SMYD3: variants seen among roughly 807,000 people sequenced by gnomAD.
SMYD3 encodes histone-lysine N-methyltransferase SMYD3.
SMYD3 carries 36 observed loss-of-function variants against 57.7 expected under a neutral mutation model. The observed-to-expected ratio is 0.62, with a 90% CI of 0.48 to 0.82. The LOEUF is 0.82. Among genes scored for constraint, SMYD3 ranks in the 40% least tolerant of loss-of-function variants. The pLI is 0.00. For missense variants in SMYD3, 515 were observed against 538.8 expected (o/e 0.96, Z 0.44); for synonymous variants, 211 against 195.0 (o/e 1.08, Z -0.68).
chr1:246,094,052 A>T (rs1319567669), intron 5 of SMYD3, among the ~76,000 whole-genome samples: 1 of 152,120 alleles, frequency 6.6e-6, no homozygotes, highest in Non-Finnish European at 1.5e-5. Flanking sequence ...GCCATAAGGG[A>T]GGTGGGGCCG....
intron 5 of SMYD3, chr1:246,326,909 A>C: frequency 4.8e-6 from 2 of 420,232 alleles, no homozygotes; most frequent in Non-Finnish European, 8.4e-6. Flanking sequence ...GGGATATGCT[A>C]TTTTCTTCTG....
intron 5 of SMYD3, among the ~76,000 whole-genome samples, chr1:246,138,477 G>C (rs1222072256): frequency 2.2e-5 from 3 of 138,472 alleles, no homozygotes; most frequent in Admixed American, 1.5e-4. Context: ...CCAGGCTGGA[G>C]TGCAGTGGCG....
intron 1 of SMYD3, among the ~76,000 whole-genome samples, chr1:246,395,870 A>C (rs976683095): frequency 6.6e-6 from 1 of 152,132 alleles, no homozygotes; most frequent in African/African-American, 2.4e-5. Context: ...CGCTGCCTCT[A>C]TGCTCTGCCA....
chr1:245,878,566 C>T (rs2052611933), intron 8 of SMYD3, among the ~76,000 whole-genome samples: 1 of 152,164 alleles, frequency 6.6e-6, no homozygotes, highest in Non-Finnish European at 1.5e-5. Context: ...ACTCTTTTTC[C>T]CTATCTACTG....
intron 5 of SMYD3, among the ~76,000 whole-genome samples, chr1:246,146,561 C>A (rs1009712425): frequency 5.9e-5 from 9 of 152,130 alleles, no homozygotes; most frequent in African/African-American, 2.2e-4. Context: ...GGTATGCAGA[C>A]CCGGTGCAGG....
intron 10 of SMYD3, among the ~76,000 whole-genome samples, chr1:245,843,841 A>G (rs1049624588): frequency 3.3e-5 from 5 of 152,170 alleles, no homozygotes; most frequent in Admixed American, 6.5e-5. Flanking sequence ...GAAGTTTTGG[A>G]GGATTTTGAA....
intron 5 of SMYD3, among the ~76,000 whole-genome samples, chr1:246,276,610 C>G (rs1452617139): frequency 2.5e-4 from 36 of 146,634 alleles, no homozygotes; most frequent in Non-Finnish European, 4.9e-4. Flanking sequence ...TTTTTCACTA[C>G]CCGTATTAAC....
intron 1 of SMYD3, among the ~76,000 whole-genome samples, chr1:246,394,473 G>A (rs969938963): frequency 3.3e-5 from 5 of 152,356 alleles, no homozygotes; most frequent in East Asian, 1.9e-4. Flanking sequence ...GGCAGAGGCC[G>A]AACCTTAATC....
At chr1:245,804,541 A>G (rs1370233495) in intron 10 of SMYD3, among the ~76,000 whole-genome samples, 1 of 152,152 alleles carries the variant, frequency 6.6e-6, no homozygotes, top group East Asian at 1.9e-4. Context: ...CTGGGTGACA[A>G]AGCGAGACTC....
intron 10 of SMYD3, among the ~76,000 whole-genome samples, chr1:245,858,171 G>A (rs1033359210): frequency 2.0e-5 from 3 of 152,118 alleles, no homozygotes; most frequent in Non-Finnish European, 4.4e-5. Context: ...TTCCTCTACA[G>A]CTCCCCCACC....
chr1:246,401,276 C>T (rs182947439), intron 1 of SMYD3, among the ~76,000 whole-genome samples: 1 of 152,236 alleles, frequency 6.6e-6, no homozygotes, highest in African/African-American at 2.4e-5. Flanking sequence ...GCAGGAGTAT[C>T]TCTTGAGCCC....
chr1:246,321,727 A>G (rs2065252248), intron 5 of SMYD3: 1 of 152,112 alleles, frequency 6.6e-6, no homozygotes, highest in South Asian at 2.1e-4. Context: ...CAATCAGTAC[A>G]CCGAATCACA....
rs573886213 is a variant in SMYD3 at position 246,374,957 on chromosome 1, G to C, written c.165-19863C>G. 1.5e-4 allele frequency among the ~76,000 whole-genome samples: 23 copies of C among 152,298 alleles called. No individual in the cohort carries two copies. In the South Asian group the frequency reaches 4.8e-3, roughly 32 times the overall value. On this transcript the variant is annotated intron_variant, in intron 1 of 11. Coordinates refer to ENST00000490107, the MANE Select transcript of SMYD3 (RefSeq NM_001167740.2). ...AAAATACAAAAATCAGCAGGGCATG[G>C]TGGCTCATGCCTGTAATTCCAGCTA...
chr1:246,269,510 A>AT (rs199977213), intron 5 of SMYD3, among the ~76,000 whole-genome samples: 2,726 of 145,334 alleles, frequency 0.019, 35 homozygotes, highest in Middle Eastern at 0.06. Context: ...ATTCTGTCAA[A>AT]TATTATTGTT....
At chr1:246,255,788 T>C (rs771072425) in intron 5 of SMYD3, among the ~76,000 whole-genome samples, 11 of 89,724 alleles carry the variant, frequency 1.2e-4, no homozygotes, top group East Asian at 2.3e-3. Flanking sequence ...TTTTTTTTTT[T>C]CTAGTTGGTA....
At chr1:245,781,646 C>CT (rs2148139762) in intron 10 of SMYD3, among the ~76,000 whole-genome samples, 1 of 152,272 alleles carries the variant, frequency 6.6e-6, no homozygotes, top group South Asian at 2.1e-4. Flanking sequence ...GCACATGTGT[C>CT]TTATAATGGT....
chr1:246,440,693 C>T (rs774546524), intron 1 of SMYD3, among the ~76,000 whole-genome samples: 7 of 151,990 alleles, frequency 4.6e-5, no homozygotes, highest in Non-Finnish European at 8.8e-5. Flanking sequence ...AAAAGGAAAG[C>T]CTCATTTTTT....
chr1:246,308,364 T>G (rs1332942604), intron 5 of SMYD3, among the ~76,000 whole-genome samples: 1 of 152,166 alleles, frequency 6.6e-6, no homozygotes, highest in East Asian at 1.9e-4. Flanking sequence ...CTGCTTTGTT[T>G]TGGCCCTATT....
intron 5 of SMYD3, among the ~76,000 whole-genome samples, chr1:245,978,127 C>T (rs1486793665): frequency 1.3e-5 from 2 of 152,138 alleles, no homozygotes; most frequent in African/African-American, 4.8e-5. Flanking sequence ...CAGAAGGAAT[C>T]GTGAAGTAAA....
Sources: allele counts gnomAD v4.1 joint callset (sites outside exome capture counted in the v4.1 genomes callset), GRCh38; gene constraint gnomAD v4.1.1; transcripts MANE v1.5; gene names NCBI Gene and HGNC (gene_info 2026-07-23, HGNC 2026-07-21).